Variants in SCHIP1 observed in about 807,000 individuals in gnomAD.
The protein encoded by SCHIP1 is schwannomin interacting protein 1.
SCHIP1 carries 8 observed loss-of-function variants against 29.7 expected under a neutral mutation model. That is an observed-to-expected ratio of 0.27 (90% confidence interval 0.16 to 0.49). SCHIP1 has a LOEUF of 0.49. SCHIP1 is among the 20% of genes least tolerant of loss of function. The probability of loss-of-function intolerance (pLI) is 0.99; values close to 1 mark genes in which losing one functional copy is unlikely to be tolerated. For missense variants in SCHIP1, 193 were observed against 294.6 expected, an observed-to-expected ratio of 0.66 and a Z score of 2.52; for synonymous variants, 76 against 94.9, an observed-to-expected ratio of 0.80 and a Z score of 1.16.
chr3:159,716,407 C>T, the SCHIP1 span, among the ~76,000 whole-genome samples: 1 of 152,098 alleles, frequency 6.6e-6, no homozygotes, highest in African/African-American at 2.4e-5. Context: ...ACAATATTAG[C>T]CTTAAATGTA....
the SCHIP1 span, among the ~76,000 whole-genome samples, chr3:159,336,496 A>C: frequency 6.6e-6 from 1 of 152,138 alleles, no homozygotes; most frequent in Non-Finnish European, 1.5e-5. Context: ...TTAAGTTTTT[A>C]ATCCATCTTG....
the SCHIP1 span, among the ~76,000 whole-genome samples, chr3:159,331,427 G>C: frequency 6.6e-6 from 1 of 152,260 alleles, no homozygotes; most frequent in Non-Finnish European, 1.5e-5. Context: ...GTACTGACAA[G>C]GTGAGGCCAA....
At chr3:159,340,281 A>T in the SCHIP1 span, among the ~76,000 whole-genome samples, 3 of 152,084 alleles carry the variant, frequency 2.0e-5, no homozygotes, top group African/African-American at 7.2e-5. Flanking sequence ...GGTAATACTC[A>T]TTCAAAGATA....
the SCHIP1 span, among the ~76,000 whole-genome samples, chr3:159,316,374 C>G: frequency 6.6e-6 from 1 of 152,092 alleles, no homozygotes; most frequent in Non-Finnish European, 1.5e-5. Flanking sequence ...GGGTGGGAGG[C>G]TAGGCCCATC....
chr3:159,592,782 A>G, the SCHIP1 span, among the ~76,000 whole-genome samples: 14 of 152,214 alleles, frequency 9.2e-5, no homozygotes, highest in African/African-American at 3.4e-4. Flanking sequence ...AATGCACAAT[A>G]CACACTCGAT....
chr3:159,681,631 C>T, the SCHIP1 span, among the ~76,000 whole-genome samples: 23 of 152,158 alleles, frequency 1.5e-4, no homozygotes, highest in Non-Finnish European at 3.1e-4. Context: ...AATAATAGTC[C>T]ATGGAGTCAC....
the SCHIP1 span, among the ~76,000 whole-genome samples, chr3:159,661,674 T>C: frequency 1.3e-5 from 2 of 152,178 alleles, no homozygotes; most frequent in African/African-American, 4.8e-5. Flanking sequence ...GGTTAAGGTT[T>C]CACATCTAGT....
At chr3:159,709,234 A>G in the SCHIP1 span, among the ~76,000 whole-genome samples, 1 of 152,150 alleles carries the variant, frequency 6.6e-6, no homozygotes, top group South Asian at 2.1e-4. Flanking sequence ...GGGGAAGGGA[A>G]TATGGCTATA....
chr3:159,382,705 T>A, the SCHIP1 span, among the ~76,000 whole-genome samples: 1 of 151,808 alleles, frequency 6.6e-6, no homozygotes, highest in African/African-American at 2.4e-5. Context: ...ATGGTTGAAC[T>A]AGTTTACAGT....
At chr3:159,401,348 G>A in the SCHIP1 span, 2 of 970,338 alleles carry the variant, frequency 2.1e-6, no homozygotes, top group African/African-American at 1.8e-5. Flanking sequence ...TAGACTAAGT[G>A]GGATGTAGTT....
the SCHIP1 span, among the ~76,000 whole-genome samples, chr3:159,630,225 A>C: frequency 0.17 from 26,155 of 152,202 alleles, 6,396 homozygotes; most frequent in African/African-American, 0.54. Flanking sequence ...GATGAAAGAA[A>C]AACACACATA....
At chr3:159,285,128 T>C in the SCHIP1 span, among the ~76,000 whole-genome samples, 29 of 152,162 alleles carry the variant, frequency 1.9e-4, no homozygotes, top group Admixed American at 7.2e-4. Flanking sequence ...AATTTTTACT[T>C]TGGGGTATTT....
chr3:159,296,875 A>G, the SCHIP1 span, among the ~76,000 whole-genome samples: 6 of 152,176 alleles, frequency 3.9e-5, no homozygotes, highest in Non-Finnish European at 7.3e-5. Context: ...CCTATAATTT[A>G]TTATCTTATA....
the SCHIP1 span, among the ~76,000 whole-genome samples, chr3:159,373,343 G>A: frequency 6.6e-6 from 1 of 151,528 alleles, no homozygotes; most frequent in Non-Finnish European, 1.5e-5. Context: ...GGGATAAAAA[G>A]TGATGTTATA....
chr3:159,827,151 A>C, the SCHIP1 span, among the ~76,000 whole-genome samples: 1 of 152,212 alleles, frequency 6.6e-6, no homozygotes, highest in Non-Finnish European at 1.5e-5. Context: ...TTCTTCTACT[A>C]TTCAGATGAC....
At chr3:159,455,156 G>T in the SCHIP1 span, among the ~76,000 whole-genome samples, 3 of 152,250 alleles carry the variant, frequency 2.0e-5, no homozygotes, top group East Asian at 5.8e-4. Context: ...TAATATATTT[G>T]CTCTGTAATT....
the SCHIP1 span, among the ~76,000 whole-genome samples, chr3:159,737,558 G>GCTA: frequency 1.3e-5 from 2 of 152,066 alleles, no homozygotes; most frequent in African/African-American, 4.8e-5. Context: ...ACAGTTATGT[G>GCTA]CTACTATTAT....
the SCHIP1 span, among the ~76,000 whole-genome samples, chr3:159,653,579 G>A: frequency 6.8e-6 from 1 of 147,844 alleles, no homozygotes. Context: ...ACATACAGGG[G>A]CCTGTTGGGG....
the SCHIP1 span, among the ~76,000 whole-genome samples, chr3:159,394,790 T>A: frequency 2.0e-5 from 3 of 152,146 alleles, no homozygotes; most frequent in Non-Finnish European, 4.4e-5. Context: ...TTTGGTTGTG[T>A]CTCTGCCCGG....
Sources: allele counts gnomAD v4.1 joint callset (sites outside exome capture counted in the v4.1 genomes callset), GRCh38; gene constraint gnomAD v4.1.1; transcripts MANE v1.5; gene names NCBI Gene and HGNC (gene_info 2026-07-23, HGNC 2026-07-21).